PRKAR2A: variants seen among roughly 807,000 people sequenced by gnomAD.
The protein encoded by PRKAR2A is cAMP-dependent protein kinase type II-alpha regulatory subunit.
A neutral mutation model predicts 51.9 loss-of-function variants in PRKAR2A; 29 were observed. That is an observed-to-expected ratio of 0.56 (90% confidence interval 0.42 to 0.76). The LOEUF is 0.76. Among genes scored for constraint, PRKAR2A ranks in the 30% least tolerant of loss-of-function variants. PRKAR2A has a pLI of 0.00. For synonymous variants in PRKAR2A, 178 were observed against 186.2 expected (o/e 0.96, Z 0.36); for missense variants, 445 against 512.1 (o/e 0.87, Z 1.26).
Position 48,751,184 on chromosome 3 carries a change from A to G in PRKAR2A, c.*401T>C. Reference sequence around the variant, plus strand: ...CTTTGAGAACCATTAGAGAGTGTCTACAGTTATACAACAGGTTTCTGCAGA... The same window carrying G: ...CTTTGAGAACCATTAGAGAGTGTCTGCAGTTATACAACAGGTTTCTGCAGA... On this transcript the variant is annotated 3_prime_UTR_variant, in exon 11 of 11. Coordinates refer to ENST00000265563, the MANE Select transcript of PRKAR2A (RefSeq NM_004157.4). The G allele has an allele frequency of 4.9e-6, 2 of 404,364 alleles. No homozygotes were observed. The highest frequency in any genetic ancestry group is 3.8e-5 in the South Asian group (2 of 53,000). The allele number at this position is 404,364 out of a possible 1,614,324, so 25.0% of individuals were successfully genotyped here.
rs139611621 is a variant in PRKAR2A at position 48,781,427 on chromosome 3, C to T, written c.542+1559G>A. ...CGCTATCTTGGCTCACTGTAACCTC[C>T]ACCTCCCAGGTTCAAGCAACTCTCC... is the stretch of plus-strand genomic sequence containing the variant. On this transcript the variant is annotated intron_variant, in intron 5 of 10. Transcript: ENST00000265563. Among the ~76,000 whole-genome samples, 256 of 151,172 alleles carry T rather than the reference C, an allele frequency of 1.7e-3. 2 individuals carry two copies. The highest frequency in any genetic ancestry group is 5.8e-3 in the African/African-American group (241 of 41,216).
intron 1 of PRKAR2A, among the ~76,000 whole-genome samples, chr3:48,828,708 C>CAAAAAAAAAAAAAAA (rs547132768): frequency 1.2e-5 from 1 of 83,502 alleles, no homozygotes; most frequent in African/African-American, 4.7e-5. Flanking sequence ...CCCCTGTCTC[C>CAAAAAAAAAAAAAAA]AAAAAAAAAA....
chr3:48,808,174 C>A (rs1559633235), intron 1 of PRKAR2A, among the ~76,000 whole-genome samples: 11 of 149,990 alleles, frequency 7.3e-5, no homozygotes. Context: ...CAGCCTCCGG[C>A]GTAGCTGGGA....
chr3:48,830,740 A>G (rs2083173850), intron 1 of PRKAR2A, among the ~76,000 whole-genome samples: 1 of 152,168 alleles, frequency 6.6e-6, no homozygotes, highest in Non-Finnish European at 1.5e-5. Flanking sequence ...ACAACTCACC[A>G]TAATGTAGAA....
chr3:48,793,440 T>A (rs1439008889), intron 3 of PRKAR2A, among the ~76,000 whole-genome samples: 3 of 152,194 alleles, frequency 2.0e-5, no homozygotes, highest in Non-Finnish European at 2.9e-5. Flanking sequence ...GTTGTTGTTG[T>A]CGTTGTTATT....
At chr3:48,754,133 C>T (rs1263537707) in intron 9 of PRKAR2A, among the ~76,000 whole-genome samples, 1 of 151,934 alleles carries the variant, frequency 6.6e-6, no homozygotes, top group Admixed American at 6.6e-5. Context: ...ATCTCCTGAC[C>T]TCGTGATCCG....
At chr3:48,773,485 A>G (rs1158129770) in intron 5 of PRKAR2A, among the ~76,000 whole-genome samples, 8 of 151,584 alleles carry the variant, frequency 5.3e-5, no homozygotes, top group Admixed American at 1.3e-4. Flanking sequence ...CTGGGACTAC[A>G]GGCACGCGCC....
At chr3:48,771,052 T>C (rs1001873147) in intron 6 of PRKAR2A, among the ~76,000 whole-genome samples, 1 of 151,568 alleles carries the variant, frequency 6.6e-6, no homozygotes, top group Non-Finnish European at 1.5e-5. Context: ...ATGGTGAAAC[T>C]CCATTTCTAC....
chr3:48,815,844 C>T (rs1255175023), intron 1 of PRKAR2A, among the ~76,000 whole-genome samples: 5 of 151,490 alleles, frequency 3.3e-5, no homozygotes, highest in African/African-American at 9.7e-5. Flanking sequence ...CATGGTGAAA[C>T]CCCATCTCTA....
At chr3:48,790,688 G>T in intron 3 of PRKAR2A, 61 bp from the exon 4 acceptor site, 1 of 1,067,772 alleles carries the variant, frequency 9.4e-7, no homozygotes, top group Admixed American at 2.9e-5. Context: ...ACCACTTAAA[G>T]ATTGGTATAT....
At chr3:48,816,802 G>A (rs968925911) in intron 1 of PRKAR2A, among the ~76,000 whole-genome samples, 1 of 152,094 alleles carries the variant, frequency 6.6e-6, no homozygotes. Context: ...CCCACCCAAT[G>A]CAAGTTTAAA....
At chr3:48,807,545 TTC>T (rs2082691992) in intron 2 of PRKAR2A, 102 bp downstream of exon 2, 4 of 948,012 alleles carry the variant, frequency 4.2e-6, no homozygotes. Context: ...TTAGATAATG[TTC>T]TGTGATGGGA....
At chr3:48,795,180 G>T (rs2082470691) in intron 2 of PRKAR2A, among the ~76,000 whole-genome samples, 1 of 152,078 alleles carries the variant, frequency 6.6e-6, no homozygotes, top group South Asian at 2.1e-4. Flanking sequence ...GTTTCACCGT[G>T]TTAGCCAGGA....
intron 1 of PRKAR2A, among the ~76,000 whole-genome samples, chr3:48,824,542 TAAGA>T (rs200913812): frequency 0.27 from 33,689 of 123,302 alleles, 4,968 homozygotes; most frequent in Middle Eastern, 0.34. Flanking sequence ...TCCAAAATCA[TAAGA>T]AAGAAAGAAA....
In PRKAR2A at chr3:48,762,507, T is replaced by C. The variant is rs892944606; in HGVS notation, c.873+2497A>G. Among the ~76,000 whole-genome samples, 5 of 152,284 alleles carry C rather than the reference T, an allele frequency of 3.3e-5. No homozygotes were observed. The South Asian group carries it at 1.0e-3, about 32-fold the overall frequency. On this transcript the variant is annotated intron_variant, in intron 8 of 10. Transcript: ENST00000265563. ...AAAATTAGCTGGGCAGAGTGACACG[T>C]GCCTCTGGTCCCAGCTACTCGGGAG...
At chr3:48,783,950 G>GA (rs376760882) in intron 4 of PRKAR2A, among the ~76,000 whole-genome samples, 90 of 151,608 alleles carry the variant, frequency 5.9e-4, no homozygotes, top group African/African-American at 2.0e-3. Context: ...ATGACCAAAG[G>GA]AAAAAAACCT....
intron 1 of PRKAR2A, among the ~76,000 whole-genome samples, chr3:48,842,610 G>A (rs914925579): frequency 1.7e-4 from 26 of 152,168 alleles, no homozygotes; most frequent in Non-Finnish European, 2.2e-4. Context: ...TTTATTGAGC[G>A]TTTTTAGAAT....
intron 4 of PRKAR2A, among the ~76,000 whole-genome samples, chr3:48,783,593 G>C (rs1158029756): frequency 1.3e-5 from 2 of 150,660 alleles, no homozygotes; most frequent in African/African-American, 2.4e-5. Flanking sequence ...GTTTTTTTTT[G>C]TTCTGGAGAC....
intron 2 of PRKAR2A, among the ~76,000 whole-genome samples, chr3:48,796,786 G>A (rs562900844): frequency 2.7e-4 from 40 of 149,968 alleles, no homozygotes; most frequent in South Asian, 1.1e-3. Context: ...AACCGCGCCC[G>A]GCCAACTCTT....
Sources: allele counts gnomAD v4.1 joint callset (sites outside exome capture counted in the v4.1 genomes callset), GRCh38; gene constraint gnomAD v4.1.1; transcripts MANE v1.5; gene names NCBI Gene and HGNC (gene_info 2026-07-23, HGNC 2026-07-21).